Variants in ZNF704 observed in about 807,000 individuals in gnomAD.
The protein encoded by ZNF704 is glucocorticoid induced gene 1.
A neutral mutation model predicts 44.7 loss-of-function variants in ZNF704; 10 were observed. The ratio of observed to expected loss-of-function variants is 0.22; its 90% confidence interval spans 0.14 to 0.38. The LOEUF (loss-of-function observed/expected upper bound fraction) is 0.38, where lower values mean the gene tolerates loss of function less well. ZNF704 is among the 10% of genes least tolerant of loss of function. The pLI is 1.00. For synonymous variants in ZNF704, 211 were observed against 207.6 expected, an observed-to-expected ratio of 1.02 and a Z score of -0.14; for missense variants, 390 against 545.5, an observed-to-expected ratio of 0.71 and a Z score of 2.84.
chr8:80,789,535 A>G (rs1182101851), intron 2 of ZNF704, among the ~76,000 whole-genome samples: 2 of 152,160 alleles, frequency 1.3e-5, no homozygotes, highest in Admixed American at 6.6e-5. Flanking sequence ...TAGGTTGAGG[A>G]TAAGAGTTTT....
At chr8:80,789,673 T>C (rs1266087935) in intron 2 of ZNF704, among the ~76,000 whole-genome samples, 11 of 152,026 alleles carry the variant, frequency 7.2e-5, no homozygotes, top group Admixed American at 7.2e-4. Flanking sequence ...GCACAGGAGT[T>C]TGAGGCTGCA....
At chr8:80,776,491 TAGTC>T (rs1169711128) in intron 2 of ZNF704, among the ~76,000 whole-genome samples, 3 of 152,240 alleles carry the variant, frequency 2.0e-5, no homozygotes, top group Non-Finnish European at 2.9e-5. Context: ...TTATTGACCT[TAGTC>T]ATTCATTCCT....
At chr8:80,841,112 G>GCTTT (rs1808670498) in intron 1 of ZNF704, among the ~76,000 whole-genome samples, 1 of 152,220 alleles carries the variant, frequency 6.6e-6, no homozygotes, top group Non-Finnish European at 1.5e-5. Context: ...GGGTCTGAAA[G>GCTTT]CTAGAACTTC....
At chr8:80,738,972 G>A (rs970433744) in intron 2 of ZNF704, among the ~76,000 whole-genome samples, 1 of 152,150 alleles carries the variant, frequency 6.6e-6, no homozygotes, top group African/African-American at 2.4e-5. Context: ...AGAACCTGCA[G>A]GCTAGAAGGG....
chr8:80,665,119 A>C (rs1818170017), intron 5 of ZNF704, 37 bp from the exon 6 acceptor site: 1 of 1,601,060 alleles, frequency 6.2e-7, no homozygotes, highest in Non-Finnish European at 8.5e-7. Context: ...ATACTAAGCC[A>C]ATCTGTTTTC....
At chr8:80,782,202 T>C (rs1490139341) in intron 2 of ZNF704, among the ~76,000 whole-genome samples, 1 of 152,224 alleles carries the variant, frequency 6.6e-6, no homozygotes, top group African/African-American at 2.4e-5. Context: ...CAAGCAAGTA[T>C]GCATAACAGA....
chr8:80,818,999 C>T (rs1301002513), intron 2 of ZNF704, among the ~76,000 whole-genome samples: 3 of 152,068 alleles, frequency 2.0e-5, no homozygotes, highest in African/African-American at 7.2e-5. Context: ...TTAAAAGCAA[C>T]TTATCTCACC....
intron 2 of ZNF704, among the ~76,000 whole-genome samples, chr8:80,771,785 A>C (rs1188968391): frequency 6.6e-6 from 1 of 152,162 alleles, no homozygotes; most frequent in African/African-American, 2.4e-5. Flanking sequence ...ATTTCCAATC[A>C]TATAGGAAAA....
intron 7 of ZNF704, among the ~76,000 whole-genome samples, chr8:80,651,572 G>T (rs1437011816): frequency 6.6e-6 from 1 of 152,160 alleles, no homozygotes; most frequent in African/African-American, 2.4e-5. Context: ...GACAAAGAAG[G>T]CCATTACATA....
At chr8:80,730,538 TAAAAAAAAAAAAAAAA>T (rs148942015) in intron 2 of ZNF704, among the ~76,000 whole-genome samples, 1 of 63,960 alleles carries the variant, frequency 1.6e-5, no homozygotes, top group Non-Finnish European at 3.0e-5. Context: ...GACTACATCT[TAAAAAAAAAAAAAAAA>T]AAAAAAAAAA....
intron 4 of ZNF704, among the ~76,000 whole-genome samples, chr8:80,680,823 T>C (rs2131625277): frequency 6.6e-6 from 1 of 152,240 alleles, no homozygotes; most frequent in East Asian, 1.9e-4. Flanking sequence ...TCAAGGTGTG[T>C]GGGGTTAATA....
At chr8:80,682,796 G>A (rs76118099) in intron 4 of ZNF704, among the ~76,000 whole-genome samples, 12 of 152,188 alleles carry the variant, frequency 7.9e-5, no homozygotes, top group African/African-American at 2.7e-4. Context: ...AGGGCCTCTC[G>A]TATATTCCTG....
intron 2 of ZNF704, among the ~76,000 whole-genome samples, chr8:80,786,017 T>C (rs1371867822): frequency 1.3e-5 from 2 of 152,148 alleles, no homozygotes; most frequent in Non-Finnish European, 2.9e-5. Flanking sequence ...CCCAGCACTT[T>C]GGGAGGCTGA....
chr8:80,741,981 A>C (rs1329309223), intron 2 of ZNF704, among the ~76,000 whole-genome samples: 2 of 152,198 alleles, frequency 1.3e-5, no homozygotes, highest in African/African-American at 4.8e-5. Flanking sequence ...ACAGACTCTA[A>C]GTATGCTTAC....
In ZNF704 at chr8:80,687,302, G is replaced by A. The variant is rs1383714335; in HGVS notation, c.482C>T (p.Ala161Val). The A allele has an allele frequency of 7.4e-6, 12 of 1,612,862 alleles. No homozygotes were observed. The highest frequency in any genetic ancestry group is 5.0e-5 in the Admixed American group (3 of 60,008). Reference sequence around the variant, plus strand: ...CTCGTCGATGCCGTCGTCTGGCTGCGCGGGGCTGCGGAAGGGCTTGAAGCT... The same window carrying A: ...CTCGTCGATGCCGTCGTCTGGCTGCACGGGGCTGCGGAAGGGCTTGAAGCT... ...ADSFKPFRSP[A>V]QPDDGIDEAE... Residue 161 changes from alanine (A) to valine (V), a missense_variant, in exon 4 of 9, where the codon GCG (alanine) becomes GTG (valine). Around this residue, in one of 3 missense-constraint regions of ZNF704, gnomAD observed 305 missense variants for 435.7 expected, o/e 0.70. Coordinates refer to ENST00000327835, the MANE Select transcript of ZNF704 (RefSeq NM_001033723.3).
At chr8:80,666,475 T>C (rs1436227231) in intron 5 of ZNF704, among the ~76,000 whole-genome samples, 1 of 147,578 alleles carries the variant, frequency 6.8e-6, no homozygotes, top group South Asian at 2.2e-4. Context: ...TTTGGGTATA[T>C]ACCCAGTAAT....
chr8:80,833,495 G>A (rs917781041), intron 1 of ZNF704, among the ~76,000 whole-genome samples: 1 of 152,128 alleles, frequency 6.6e-6, no homozygotes, highest in African/African-American at 2.4e-5. Context: ...TTCATGCTAG[G>A]TACACAGAAA....
chr8:80,719,401 T>C (rs1819126507), intron 2 of ZNF704, among the ~76,000 whole-genome samples: 1 of 152,314 alleles, frequency 6.6e-6, no homozygotes, highest in South Asian at 2.1e-4. Flanking sequence ...CCAAAATAGT[T>C]TGACAAACTT....
intron 2 of ZNF704, among the ~76,000 whole-genome samples, chr8:80,714,155 A>C (rs1474003140): frequency 6.6e-6 from 1 of 152,208 alleles, no homozygotes. Flanking sequence ...CTTAGCAGGA[A>C]GTCCTACTGA....
Sources: gnomAD v4.1 joint callset for allele counts (sites outside exome capture counted in the v4.1 genomes callset) on GRCh38, gnomAD v4.1.1 for gene constraint, gnomAD v4.1.1 regional missense constraint, MANE v1.5 for transcripts, NCBI Gene and HGNC (gene_info 2026-07-23, HGNC 2026-07-21) for gene names.